Variants in SPAG16 observed in about 807,000 individuals in gnomAD.
The protein encoded by SPAG16 is sperm associated antigen 16, also known as sperm-associated antigen 16 protein.
A neutral mutation model predicts 80.4 loss-of-function variants in SPAG16; 86 were observed. The ratio of observed to expected loss-of-function variants is 1.07; its 90% CI spans 0.90 to 1.28. SPAG16 has a LOEUF of 1.28. Among genes scored for constraint, SPAG16 ranks in the 50% most tolerant of loss-of-function variants. The probability of loss-of-function intolerance (pLI) is 0.00; values close to 1 mark genes in which losing one functional copy is unlikely to be tolerated. For synonymous variants in SPAG16, 294 were observed against 265.9 expected (o/e 1.11, Z -1.03); for missense variants, 870 against 765.3 (o/e 1.14, Z -1.61).
intron 13 of SPAG16, among the ~76,000 whole-genome samples, chr2:214,042,724 G>A (rs969940026): frequency 2.0e-5 from 3 of 152,068 alleles, no homozygotes; most frequent in Non-Finnish European, 4.4e-5. Flanking sequence ...TTGTGTTACA[G>A]AGTCTAAAAA....
chr2:213,708,039 T>G (rs1189067252), intron 10 of SPAG16, among the ~76,000 whole-genome samples: 1 of 152,200 alleles, frequency 6.6e-6, no homozygotes, highest in African/African-American at 2.4e-5. Context: ...AAACTATTTT[T>G]TTCTCTCAAA....
chr2:213,558,695 A>G (rs1003520589), intron 10 of SPAG16, among the ~76,000 whole-genome samples: 5 of 152,248 alleles, frequency 3.3e-5, no homozygotes, highest in African/African-American at 1.2e-4. Flanking sequence ...ATGGTATAAT[A>G]CTTTTGGTCC....
intron 6 of SPAG16, among the ~76,000 whole-genome samples, chr2:213,347,210 TTCTGTGGGA>T (rs2065045599): frequency 6.6e-6 from 1 of 152,204 alleles, no homozygotes; most frequent in Non-Finnish European, 1.5e-5. Flanking sequence ...TAGTTTGTAT[TTCTGTGGGA>T]TCGGTGGTGA....
chr2:213,676,555 C>T (rs1383280955), intron 10 of SPAG16, among the ~76,000 whole-genome samples: 2 of 152,122 alleles, frequency 1.3e-5, no homozygotes, highest in East Asian at 3.9e-4. Flanking sequence ...GAGATATGTC[C>T]CATTAATACC....
chr2:214,330,621 C>G (rs1696849510), intron 15 of SPAG16, among the ~76,000 whole-genome samples: 1 of 151,462 alleles, frequency 6.6e-6, no homozygotes, highest in South Asian at 2.1e-4. Context: ...TCATATTTGT[C>G]TCAAATCAAA....
intron 15 of SPAG16, among the ~76,000 whole-genome samples, chr2:214,283,108 G>A (rs1490576463): frequency 1.3e-5 from 2 of 150,218 alleles, no homozygotes; most frequent in African/African-American, 5.0e-5. Flanking sequence ...GTATATAACT[G>A]TGATAATTAT....
At chr2:213,567,165 CTTTTTTTTTTTT>C (rs531916197) in intron 10 of SPAG16, among the ~76,000 whole-genome samples, 2 of 94,914 alleles carry the variant, frequency 2.1e-5, no homozygotes, top group Non-Finnish European at 4.3e-5. Context: ...AACACAGATT[CTTTTTTTTTTTT>C]TTTTTTTTGA....
intron 5 of SPAG16, among the ~76,000 whole-genome samples, chr2:213,320,991 A>C (rs1204533522): frequency 6.6e-6 from 1 of 152,126 alleles, no homozygotes; most frequent in Non-Finnish European, 1.5e-5. Context: ...TTCAAATAGC[A>C]ATTAGTAATA....
intron 15 of SPAG16, among the ~76,000 whole-genome samples, chr2:214,393,891 A>AT (rs900218730): frequency 6.6e-6 from 1 of 152,152 alleles, no homozygotes; most frequent in Non-Finnish European, 1.5e-5. Context: ...AATAATGTCT[A>AT]TTTTTTAAAA....
intron 10 of SPAG16, among the ~76,000 whole-genome samples, chr2:213,855,753 T>A (rs1416449218): frequency 2.0e-5 from 3 of 152,084 alleles, no homozygotes; most frequent in Non-Finnish European, 4.4e-5. Context: ...TCAGATCTCA[T>A]AAGAACTCAC....
At chr2:214,103,917 G>A (rs1437521316) in intron 13 of SPAG16, among the ~76,000 whole-genome samples, 6 of 151,472 alleles carry the variant, frequency 4.0e-5, no homozygotes, top group Non-Finnish European at 7.4e-5. Flanking sequence ...CCTCTGGGGA[G>A]TGGGGGTTGG....
intron 15 of SPAG16, among the ~76,000 whole-genome samples, chr2:214,165,469 C>CTTTTTTTTTTTTTTTTTTTTTTTTT (rs67726428): frequency 2.6e-5 from 1 of 37,842 alleles, no homozygotes; most frequent in African/African-American, 1.4e-4. Context: ...CATCACCATC[C>CTTTTTTTTTTTTTTTTTTTTTTTTT]TTTTTTTTTT....
intron 15 of SPAG16, among the ~76,000 whole-genome samples, chr2:214,195,809 G>A (rs947436648): frequency 6.6e-6 from 1 of 151,954 alleles, no homozygotes; most frequent in Non-Finnish European, 1.5e-5. Context: ...AGCTATGGAA[G>A]TCTAGATTCT....
At chr2:213,977,439 C>T (rs1034391015) in intron 12 of SPAG16, among the ~76,000 whole-genome samples, 12 of 151,894 alleles carry the variant, frequency 7.9e-5, no homozygotes, top group Non-Finnish European at 1.8e-4. Context: ...GTTACTGCCC[C>T]CCCCATACCC....
chr2:213,765,757 A>G (rs1232827649), intron 10 of SPAG16, among the ~76,000 whole-genome samples: 2 of 152,220 alleles, frequency 1.3e-5, no homozygotes, highest in Non-Finnish European at 2.9e-5. Flanking sequence ...TTTGTTCCTA[A>G]CACTGAAGTA....
At chr2:213,444,636 A>AT (rs996988938) in intron 9 of SPAG16, among the ~76,000 whole-genome samples, 5 of 152,246 alleles carry the variant, frequency 3.3e-5, no homozygotes, top group African/African-American at 1.2e-4. Context: ...ATATCTTTCC[A>AT]TTTTTTGTTC....
intron 12 of SPAG16, among the ~76,000 whole-genome samples, chr2:213,970,462 T>A (rs2044977109): frequency 6.6e-6 from 1 of 151,964 alleles, no homozygotes; most frequent in African/African-American, 2.4e-5. Flanking sequence ...CCACAACACC[T>A]GGCTAATTTT....
At chr2:214,293,930 C>G (rs1171511098) in intron 15 of SPAG16, among the ~76,000 whole-genome samples, 1 of 152,204 alleles carries the variant, frequency 6.6e-6, no homozygotes, top group Admixed American at 6.5e-5. Context: ...ATACAGTTGC[C>G]TCATATCTTA....
chr2:213,683,586 A>G (rs970186330), intron 10 of SPAG16, among the ~76,000 whole-genome samples: 1 of 151,978 alleles, frequency 6.6e-6, no homozygotes, highest in Admixed American at 6.6e-5. Context: ...CCACTTAACT[A>G]TGTGATTTGT....
Sources: allele counts gnomAD v4.1 joint callset (sites outside exome capture counted in the v4.1 genomes callset), GRCh38; gene constraint gnomAD v4.1.1; transcripts MANE v1.5; gene names NCBI Gene and HGNC (gene_info 2026-07-23, HGNC 2026-07-21).